Variants in ECT2L observed in about 807,000 individuals in gnomAD.
ECT2L encodes epithelial cell-transforming sequence 2 oncogene-like.
In ECT2L, 126 loss-of-function variants were observed where a neutral mutation model predicts 122.8. That is an observed-to-expected ratio of 1.03 (90% CI 0.89 to 1.19). The LOEUF is 1.19. Among genes scored for constraint, ECT2L ranks in the 50% most tolerant of loss-of-function variants. The probability of loss-of-function intolerance (pLI) is 0.00; values close to 1 mark genes in which losing one functional copy is unlikely to be tolerated. For synonymous variants in ECT2L, 385 were observed against 381.8 expected, an observed-to-expected ratio of 1.01 and a Z score of -0.10; for missense variants, 1,012 against 1,064.1, an observed-to-expected ratio of 0.95 and a Z score of 0.68.
intron 4 of ECT2L, among the ~76,000 whole-genome samples, chr6:138,837,654 A>AC (rs1197984513): frequency 2.7e-5 from 4 of 150,284 alleles, no homozygotes; most frequent in East Asian, 2.0e-4. Context: ...AAAAAAAAAA[A>AC]AACAACAATT....
chr6:138,887,279 T>A (rs1379993669), intron 19 of ECT2L, among the ~76,000 whole-genome samples: 5 of 151,112 alleles, frequency 3.3e-5, no homozygotes, highest in Non-Finnish European at 4.4e-5. Context: ...CAGGCTGGAG[T>A]GCAGTGGCAC....
intron 8 of ECT2L, among the ~76,000 whole-genome samples, chr6:138,847,920 TCA>T (rs1457038501): frequency 1.3e-5 from 2 of 152,160 alleles, no homozygotes; most frequent in Non-Finnish European, 2.9e-5. Context: ...TTTAATTAAC[TCA>T]CAGTTTCACG....
Position 138,868,153 on chromosome 6 carries a change from G to C in ECT2L, c.1525G>C (p.Asp509His), listed in dbSNP as rs2128401350. The change falls in exon 13 of 22, where the codon GAT (aspartate) becomes CAT (histidine). Residue 509 changes from aspartate to histidine, a missense_variant. Coordinates refer to ENST00000541398, the MANE Select transcript of ECT2L (RefSeq NM_001077706.3). ...TATGACCAACATTCTAAACAACCAA[G>C]ATACTGCGCAAGCTCTGGCAGATGG... Reference protein sequence around the residue: ...MGMTNILNNQDTAQALADGLM... With the variant: ...MGMTNILNNQHTAQALADGLM... The C allele has an allele frequency of 6.2e-7, 1 of 1,613,830 alleles. No homozygotes were observed. Among genetic ancestry groups the C allele is most frequent in the South Asian group, 1.1e-5 (1 of 90,978 alleles).
rs372535195 is a variant in ECT2L, at chr6:138,830,607, A to AT, written c.180-7738dup. On this transcript the variant is annotated intron_variant, in intron 4 of 21. Coordinates refer to ENST00000541398, the MANE Select transcript of ECT2L (RefSeq NM_001077706.3). ...ATAGCTGCCTCCAAAGGACTCTTGG[A>AT]TTTTTTTCGGTTATCTTGCTTGTCC... 3.3e-5 allele frequency among the ~76,000 whole-genome samples: 5 copies of AT among 151,974 alleles called. No homozygotes were observed. In the East Asian group the frequency reaches 7.7e-4, roughly 23 times the overall value.
chr6:138,807,284 T>C (rs1450972192), intron 1 of ECT2L, among the ~76,000 whole-genome samples: 1 of 152,150 alleles, frequency 6.6e-6, no homozygotes, highest in Non-Finnish European at 1.5e-5. Context: ...TAGATATTCT[T>C]TATCACTAAA....
chr6:138,884,671 A>G (rs570578398), intron 16 of ECT2L, among the ~76,000 whole-genome samples: 1 of 152,254 alleles, frequency 6.6e-6, no homozygotes, highest in South Asian at 2.1e-4. Context: ...TATATTAAGT[A>G]CAGTAGAATA....
chr6:138,899,602 T>G (rs982347657), intron 20 of ECT2L, among the ~76,000 whole-genome samples: 1 of 152,152 alleles, frequency 6.6e-6, no homozygotes, highest in African/African-American at 2.4e-5. Flanking sequence ...TAGCAGGGAT[T>G]GATGTCACTT....
At chr6:138,881,297 C>A in intron 15 of ECT2L, 126 bp downstream of exon 15, 1 of 904,494 alleles carries the variant, frequency 1.1e-6, no homozygotes, top group South Asian at 1.6e-5. Context: ...CTGATTATAG[C>A]AGCGAGATCC....
At chr6:138,803,766 T>C (rs899374557) in intron 1 of ECT2L, among the ~76,000 whole-genome samples, 2 of 152,230 alleles carry the variant, frequency 1.3e-5, no homozygotes, top group Non-Finnish European at 2.9e-5. Flanking sequence ...CACTATGCCA[T>C]GCTGCTCGTC....
At chr6:138,833,823 T>TAC (rs1776734754) in intron 4 of ECT2L, among the ~76,000 whole-genome samples, 1 of 150,034 alleles carries the variant, frequency 6.7e-6, no homozygotes, top group Non-Finnish European at 1.5e-5. Context: ...AATAAATAAT[T>TAC]AAAAAAAAAT....
chr6:138,813,135 A>T (rs1328813228), intron 2 of ECT2L, 37 bp from the exon 3 acceptor site: 3 of 561,934 alleles, frequency 5.3e-6, no homozygotes, highest in African/African-American at 1.9e-5. Context: ...TAATTATATA[A>T]TTCCTATAAG....
At chr6:138,843,764 A>T (rs1777125085) in intron 6 of ECT2L, among the ~76,000 whole-genome samples, 1 of 152,172 alleles carries the variant, frequency 6.6e-6, no homozygotes. Context: ...TCTCTGGCTC[A>T]CTGCAGCCTC....
intron 13 of ECT2L, among the ~76,000 whole-genome samples, chr6:138,873,724 G>A (rs967484016): frequency 1.3e-5 from 2 of 152,182 alleles, no homozygotes; most frequent in Non-Finnish European, 1.5e-5. Flanking sequence ...AACTTGGGAG[G>A]CAGAGGTTGC....
intron 8 of ECT2L, among the ~76,000 whole-genome samples, chr6:138,847,461 C>G (rs1364457507): frequency 7.3e-6 from 1 of 137,592 alleles, no homozygotes. Context: ...AGCTCTGCCT[C>G]CCGGGTTCAC....
intron 10 of ECT2L, among the ~76,000 whole-genome samples, chr6:138,859,621 C>T (rs1484202688): frequency 6.6e-6 from 1 of 152,134 alleles, no homozygotes; most frequent in Non-Finnish European, 1.5e-5. Context: ...TTGCATTTTC[C>T]TAATGACGAA....
Position 138,885,783 on chromosome 6 carries a change from A to C in ECT2L, c.2212A>C (p.Thr738Pro). Residue 738 changes from threonine to proline, a missense_variant, in exon 18 of 22, where the codon ACC (threonine) becomes CCC (proline). By Grantham distance (38) the Thr-to-Pro change is conservative. Transcript: ENST00000541398. ...AGAGCATGTTGACCGTGGGGACTTGACCACTGCAATTGACCAAATCAAAAA... is the reference window on the plus strand; with the variant it reads ...AGAGCATGTTGACCGTGGGGACTTGCCCACTGCAATTGACCAAATCAAAAA... The part of the protein sequence containing the change: ...PAEHVDRGDL[T>P]TAIDQIKKYK... The C allele has an allele frequency of 1.2e-6, 2 of 1,614,168 alleles. No homozygotes were observed. The highest frequency in any genetic ancestry group is 1.7e-6 in the Non-Finnish European group (2 of 1,180,028).
At chr6:138,806,050 G>T (rs1583540011) in intron 1 of ECT2L, among the ~76,000 whole-genome samples, 1 of 152,224 alleles carries the variant, frequency 6.6e-6, no homozygotes, top group East Asian at 1.9e-4. Flanking sequence ...ACCACCAAAG[G>T]GTCTTCCAAT....
chr6:138,813,421 C>T (rs1919691), intron 3 of ECT2L, 81 bp downstream of exon 3: 444,526 of 1,026,010 alleles, frequency 0.43, 100,751 homozygotes, highest in South Asian at 0.62. Flanking sequence ...CATGTTGCCA[C>T]ATTTTTAAAG....
intron 5 of ECT2L, 95 bp from the exon 6 acceptor site, chr6:138,842,884 C>T: frequency 1.7e-6 from 2 of 1,155,096 alleles, no homozygotes; most frequent in Non-Finnish European, 2.3e-6. Flanking sequence ...CCAGAAATCT[C>T]AGTGTAATGA....
Sources: allele counts gnomAD v4.1 joint callset (sites outside exome capture counted in the v4.1 genomes callset), GRCh38; gene constraint gnomAD v4.1.1; transcripts MANE v1.5; gene names NCBI Gene and HGNC (gene_info 2026-07-23, HGNC 2026-07-21).